Variants in CTDSP2 observed in about 807,000 individuals in gnomAD.
The protein encoded by CTDSP2 is carboxy-terminal domain RNA polymerase II polypeptide A small phosphatase 2.
Under a neutral mutation model 31.6 loss-of-function variants are expected in CTDSP2, and 9 were observed. The observed-to-expected ratio is 0.28, with a 90% CI of 0.17 to 0.50. CTDSP2 has a LOEUF of 0.50. Among genes scored for constraint, CTDSP2 ranks in the 20% least tolerant of loss-of-function variants. The pLI, the probability that CTDSP2 is intolerant of heterozygous loss-of-function variation, is 0.98. For missense variants in CTDSP2, 267 were observed against 348.5 expected, an observed-to-expected ratio of 0.77 and a Z score of 1.86; for synonymous variants, 134 against 134.5, an observed-to-expected ratio of 1.00 and a Z score of 0.03.
chr12:57,827,442 G>T, intron 3 of CTDSP2, 110 bp downstream of exon 3: 1 of 1,195,656 alleles, frequency 8.4e-7, no homozygotes, highest in South Asian at 1.3e-5. Flanking sequence ...TCCCAGGTCA[G>T]GGAGGTGGCT....
chr12:57,827,276 T>C, intron 3 of CTDSP2, 179 bp from the exon 4 acceptor site: 1 of 633,594 alleles, frequency 1.6e-6, no homozygotes, highest in Non-Finnish European at 2.8e-6. Flanking sequence ...AGCCTCCCAG[T>C]GGGACTATTA....
At chr12:57,836,264 A>C (rs1482999326) in intron 1 of CTDSP2, among the ~76,000 whole-genome samples, 1 of 152,220 alleles carries the variant, frequency 6.6e-6, no homozygotes, top group Non-Finnish European at 1.5e-5. Context: ...TTCTGTGAAA[A>C]ACAAAAGCAA....
chr12:57,842,863 C>T (rs891617414), intron 1 of CTDSP2: 1 of 152,202 alleles, frequency 6.6e-6, no homozygotes, highest in East Asian at 1.9e-4. Context: ...AAAGGCTTGC[C>T]TACATCTACA....
At chr12:57,824,859 A>C (rs1433453060) in intron 5 of CTDSP2, among the ~76,000 whole-genome samples, 1 of 152,126 alleles carries the variant, frequency 6.6e-6, no homozygotes, top group Non-Finnish European at 1.5e-5. Context: ...TGCTTCTGCC[A>C]GCCACCACTA....
chr12:57,835,826 G>A (rs1043956413), intron 1 of CTDSP2, among the ~76,000 whole-genome samples: 1 of 152,184 alleles, frequency 6.6e-6, no homozygotes, highest in Non-Finnish European at 1.5e-5. Context: ...TGCCCCCACT[G>A]AGGATCATCA....
intron 1 of CTDSP2, among the ~76,000 whole-genome samples, chr12:57,830,247 A>C (rs1245604495): frequency 6.6e-6 from 1 of 152,054 alleles, no homozygotes; most frequent in African/African-American, 2.4e-5. Context: ...TAGCCAGGTG[A>C]GGTGGCGGGT....
Position 57,823,346 on chromosome 12 carries a change from A to C in CTDSP2, c.*256T>G, listed in dbSNP as rs968706101. The C allele has an allele frequency of 5.8e-6, 3 of 518,820 alleles. No homozygotes were observed. Among genetic ancestry groups the C allele is most frequent in the African/African-American group, 3.8e-5 (2 of 52,072 alleles). The allele number at this position is 518,820 out of a possible 1,614,324, so 32.1% of individuals were successfully genotyped here. ...ACACTGGGGCCACAGTTCATGGCAA[A>C]ACACACACACAAACACACACTCTCT... On this transcript the variant is annotated 3_prime_UTR_variant, in exon 8 of 8. Transcript: ENST00000398073.
chr12:57,830,013 G>A (rs769371338), intron 1 of CTDSP2, among the ~76,000 whole-genome samples: 19 of 152,148 alleles, frequency 1.2e-4, no homozygotes, highest in Non-Finnish European at 2.5e-4. Context: ...TGAGTTAGTG[G>A]AGCTGTAGTT....
chr12:57,836,624 A>C (rs1232238054), intron 1 of CTDSP2, among the ~76,000 whole-genome samples: 3 of 152,206 alleles, frequency 2.0e-5, no homozygotes, highest in Non-Finnish European at 4.4e-5. Flanking sequence ...CCTGGGTGAC[A>C]GAGTGAGATT....
intron 1 of CTDSP2, among the ~76,000 whole-genome samples, chr12:57,831,397 G>A (rs1461533562): frequency 6.6e-6 from 1 of 151,988 alleles, no homozygotes; most frequent in Non-Finnish European, 1.5e-5. Context: ...AAGTCGCAGT[G>A]AGCCGAGATC....
intron 1 of CTDSP2, among the ~76,000 whole-genome samples, chr12:57,830,258 G>A (rs920360752): frequency 1.3e-5 from 2 of 152,130 alleles, no homozygotes; most frequent in African/African-American, 4.8e-5. Flanking sequence ...GGTGGCGGGT[G>A]CTTGTAGTCC....
In CTDSP2 at chr12:57,823,356, C is replaced by A; in HGVS notation, c.*246G>T. ...CACAGTTCATGGCAAAACACACACACAAACACACACTCTCTCACAGTCAAA... is the reference window on the plus strand; with the variant it reads ...CACAGTTCATGGCAAAACACACACAAAAACACACACTCTCTCACAGTCAAA... On this transcript the variant is annotated 3_prime_UTR_variant, in exon 8 of 8. Coordinates refer to ENST00000398073, the MANE Select transcript of CTDSP2 (RefSeq NM_005730.4). The A allele has an allele frequency of 1.9e-6, 1 of 539,248 alleles. No individual in the cohort carries two copies. The highest frequency in any genetic ancestry group is 3.4e-6 in the Non-Finnish European group (1 of 298,380). The allele number at this position is 539,248 out of a possible 1,614,324, so 33.4% of individuals were successfully genotyped here. A position where few individuals can be genotyped will look rare whatever the true frequency, so the allele number is the denominator to read the frequency against.
At chr12:57,835,303 G>A (rs1956240849) in intron 1 of CTDSP2, among the ~76,000 whole-genome samples, 1 of 151,836 alleles carries the variant, frequency 6.6e-6, no homozygotes, top group African/African-American at 2.4e-5. Flanking sequence ...ACTCCAGCCT[G>A]GGCAACAAGA....
rs1592246186 is a variant in CTDSP2, at chr12:57,846,558, T to C, written c.-123A>G. On this transcript the variant is annotated 5_prime_UTR_variant, in exon 1 of 8. Coordinates refer to ENST00000398073, the MANE Select transcript of CTDSP2 (RefSeq NM_005730.4). ...CCCGAGACTCCGACTTCCACAGCTGTTCACATCCCCCCTCTCGTTTCCTCC... is the reference window on the plus strand; with the variant it reads ...CCCGAGACTCCGACTTCCACAGCTGCTCACATCCCCCCTCTCGTTTCCTCC... 5.4e-6 allele frequency: 4 copies of C among 743,812 alleles called. No homozygotes were observed. The East Asian group carries it at 1.0e-4, about 19-fold the overall frequency. 46.1% of individuals were successfully genotyped at this position (743,812 alleles called of 1,614,324 possible). A position where few individuals can be genotyped will look rare whatever the true frequency, so the allele number is the denominator to read the frequency against.
intron 4 of CTDSP2, 130 bp downstream of exon 4, chr12:57,826,866 T>A: frequency 1.4e-6 from 1 of 703,846 alleles, no homozygotes; most frequent in Non-Finnish European, 2.4e-6. Flanking sequence ...GTGGCCAAAA[T>A]GCCAGAGGCC....
chr12:57,824,187 CCA>C, intron 6 of CTDSP2, 38 bp downstream of exon 6: 1 of 1,610,140 alleles, frequency 6.2e-7, no homozygotes, highest in Non-Finnish European at 8.5e-7. Flanking sequence ...CCCGTGGCCA[CCA>C]CACCCACTCC....
chr12:57,842,914 A>G (rs1201206861), intron 1 of CTDSP2, among the ~76,000 whole-genome samples: 3 of 152,232 alleles, frequency 2.0e-5, no homozygotes, highest in Non-Finnish European at 4.4e-5. Context: ...AATAAGGCAG[A>G]ATTTCTCCCT....
chr12:57,841,500 A>G (rs969179564), intron 1 of CTDSP2, among the ~76,000 whole-genome samples: 2 of 152,248 alleles, frequency 1.3e-5, no homozygotes, highest in African/African-American at 4.8e-5. Flanking sequence ...TTAGAGACTC[A>G]CAGGGGGCAC....
intron 5 of CTDSP2, 142 bp from the exon 6 acceptor site, chr12:57,824,461 G>C (rs905826396): frequency 8.5e-6 from 6 of 703,098 alleles, no homozygotes; most frequent in Non-Finnish European, 1.5e-5. Flanking sequence ...GGAAGCCTGC[G>C]GCCCCCTGAG....
Sources: gnomAD v4.1 joint callset for allele counts (sites outside exome capture counted in the v4.1 genomes callset) on GRCh38, gnomAD v4.1.1 for gene constraint, MANE v1.5 for transcripts, NCBI Gene and HGNC (gene_info 2026-07-23, HGNC 2026-07-21) for gene names.